The following NYAP2 variants were observed in gnomAD, a reference collection of about 807,000 sequenced individuals.
The protein encoded by NYAP2 is neuronal tyrosine-phosphorylated phosphoinositide-3-kinase adaptor 2.
NYAP2 carries 23 observed loss-of-function variants against 50.4 expected under a neutral mutation model. That is an observed-to-expected ratio of 0.46 (90% confidence interval 0.33 to 0.65). The LOEUF (loss-of-function observed/expected upper bound fraction) is 0.65, where lower values mean the gene tolerates loss of function less well. NYAP2 is among the 30% of genes least tolerant of loss of function. The pLI is 0.02. For synonymous variants in NYAP2, 394 were observed against 365.2 expected, an observed-to-expected ratio of 1.08 and a Z score of -0.90; for missense variants, 885 against 861.0, an observed-to-expected ratio of 1.03 and a Z score of -0.35.
At chr2:225,615,937 T>G (rs914062270) in intron 5 of NYAP2, among the ~76,000 whole-genome samples, 6 of 152,210 alleles carry the variant, frequency 3.9e-5, no homozygotes, top group Non-Finnish European at 7.3e-5. Flanking sequence ...CTCTCTTGTG[T>G]AAACTCTGTT....
intron 4 of NYAP2, among the ~76,000 whole-genome samples, chr2:225,533,776 G>T (rs1012372811): frequency 6.6e-6 from 1 of 151,974 alleles, no homozygotes; most frequent in Non-Finnish European, 1.5e-5. Flanking sequence ...AAATTAAATA[G>T]TAGCCAGATA....
At chr2:225,440,854 G>A (rs1689458431) in intron 3 of NYAP2, among the ~76,000 whole-genome samples, 1 of 152,144 alleles carries the variant, frequency 6.6e-6, no homozygotes, top group African/African-American at 2.4e-5. Context: ...CAGATTGGAT[G>A]AATTGCCCTG....
chr2:225,511,357 CACACACACACACACACAG>C (rs1008517279), intron 3 of NYAP2, among the ~76,000 whole-genome samples: 12 of 141,902 alleles, frequency 8.5e-5, no homozygotes, highest in African/African-American at 3.0e-4. Flanking sequence ...CACACACACA[CACACACACACACACACAG>C]AGAGAGAGAG....
chr2:225,628,137 T>C (rs1176594941), intron 6 of NYAP2, among the ~76,000 whole-genome samples: 2 of 152,176 alleles, frequency 1.3e-5, no homozygotes, highest in Non-Finnish European at 2.9e-5. Context: ...CTTGAAGCTT[T>C]GGTGGTAGAG....
chr2:225,579,035 C>A (rs553399613), intron 4 of NYAP2, among the ~76,000 whole-genome samples: 1 of 151,930 alleles, frequency 6.6e-6, no homozygotes, highest in African/African-American at 2.4e-5. Flanking sequence ...TGCACGTGCA[C>A]GCACACACAC....
At chr2:225,465,949 A>T (rs1397316262) in intron 3 of NYAP2, among the ~76,000 whole-genome samples, 1 of 152,134 alleles carries the variant, frequency 6.6e-6, no homozygotes, top group Non-Finnish European at 1.5e-5. Flanking sequence ...CTTCTGCACA[A>T]AATCCACACT....
Position 225,479,183 on chromosome 2 carries a change from C to T in NYAP2, c.222-34188C>T, listed in dbSNP as rs79132721. Among the ~76,000 whole-genome samples, 561 of 152,242 alleles carry T rather than the reference C, an allele frequency of 3.7e-3. 5 individuals are homozygous for T. The highest frequency in any genetic ancestry group is 0.012 in the African/African-American group (481 of 41,544). The stretch of plus-strand genomic sequence containing the variant: ...ATATTTGAAGAAAGAGTAAGAATTA[C>T]AGCAACATAAGCTTCTCTCTACTCT... On this transcript the variant is annotated intron_variant, in intron 3 of 6. Coordinates refer to ENST00000636099, the Ensembl canonical transcript of NYAP2.
chr2:225,425,150 G>A (rs1178278982), intron 3 of NYAP2, among the ~76,000 whole-genome samples: 1 of 152,160 alleles, frequency 6.6e-6, no homozygotes, highest in Non-Finnish European at 1.5e-5. Flanking sequence ...GACTGGCCAT[G>A]TAATCTCCCA....
chr2:225,497,348 A>G (rs983847684), intron 3 of NYAP2, among the ~76,000 whole-genome samples: 2 of 152,188 alleles, frequency 1.3e-5, no homozygotes, highest in African/African-American at 4.8e-5. Flanking sequence ...GCATCCACGC[A>G]TAAGTATTTG....
At position 225,582,860 on chromosome 2, in the gene NYAP2, G is replaced by T; in HGVS notation, c.1443G>T (p.Ser481=). ...CTCACTCGACCCCCAGACCCGTGTCGCAAGATGGGGCCAAGATGGTCAACG... is the reference window on the plus strand; with the variant it reads ...CTCACTCGACCCCCAGACCCGTGTCTCAAGATGGGGCCAAGATGGTCAACG... The change falls in exon 5 of 7, where the codon TCG becomes TCT. Residue 481 remains serine (S), a synonymous_variant. Transcript: ENST00000636099. This position sits in a 1 kb window ranked among gnomAD's most constrained non-coding sequence, Gnocchi z 7.0. 2 of 1,613,748 alleles carry T rather than the reference G, an allele frequency of 1.2e-6. No individual in the cohort carries two copies. Among genetic ancestry groups the T allele is most frequent in the Non-Finnish European group, 8.5e-7 (1 of 1,179,880 alleles).
chr2:225,603,365 G>A (rs897246604), intron 5 of NYAP2, among the ~76,000 whole-genome samples: 1 of 152,136 alleles, frequency 6.6e-6, no homozygotes, highest in South Asian at 2.1e-4. Context: ...ATTAATAATG[G>A]AGTATTTTCT....
the NYAP2 span, among the ~76,000 whole-genome samples, chr2:225,687,810 GAC>G: frequency 1.3e-5 from 2 of 152,122 alleles, no homozygotes; most frequent in African/African-American, 2.4e-5. Context: ...AGTACGTATG[GAC>G]AGAGAACGGG....
chr2:225,454,311 G>T (rs1689701464), intron 3 of NYAP2, among the ~76,000 whole-genome samples: 1 of 152,036 alleles, frequency 6.6e-6, no homozygotes, highest in Non-Finnish European at 1.5e-5. Flanking sequence ...AGCCTGGGTG[G>T]CAGAGTAAGA....
chr2:225,564,842 G>A (rs1434766500), intron 4 of NYAP2, among the ~76,000 whole-genome samples: 1 of 151,970 alleles, frequency 6.6e-6, no homozygotes, highest in Non-Finnish European at 1.5e-5. Flanking sequence ...AAACCTAAGG[G>A]ATATATCTAT....
the NYAP2 span, among the ~76,000 whole-genome samples, chr2:225,696,677 G>A: frequency 6.6e-6 from 1 of 151,940 alleles, no homozygotes; most frequent in Admixed American, 6.6e-5. Flanking sequence ...ATAGGGTGTT[G>A]TACTAAAATC....
At chr2:225,560,115 A>G (rs898517828) in intron 4 of NYAP2, among the ~76,000 whole-genome samples, 1 of 152,078 alleles carries the variant, frequency 6.6e-6, no homozygotes, top group African/African-American at 2.4e-5. Flanking sequence ...TTTCCAAGTC[A>G]TAGACAAATT....
intron 3 of NYAP2, among the ~76,000 whole-genome samples, chr2:225,493,111 A>G (rs1690437624): frequency 1.3e-5 from 2 of 151,798 alleles, no homozygotes; most frequent in African/African-American, 4.8e-5. Flanking sequence ...CAGCCCCAAC[A>G]AATAGCTGGG....
chr2:225,589,328 GTTT>G (rs11319773), intron 5 of NYAP2, among the ~76,000 whole-genome samples: 1 of 143,946 alleles, frequency 6.9e-6, no homozygotes, highest in Non-Finnish European at 1.5e-5. Flanking sequence ...ATAAATGTTA[GTTT>G]TTTTTTTTTT....
intron 5 of NYAP2, among the ~76,000 whole-genome samples, chr2:225,591,128 G>C (rs1316171861): frequency 6.6e-6 from 1 of 152,194 alleles, no homozygotes; most frequent in Non-Finnish European, 1.5e-5. Context: ...GGGCCCTCCA[G>C]ATGGAGCTGT....
Sources: allele counts gnomAD v4.1 joint callset (sites outside exome capture counted in the v4.1 genomes callset), GRCh38; gene constraint gnomAD v4.1.1; non-coding constraint Gnocchi (gnomAD v3.1); transcripts MANE v1.5; gene names NCBI Gene and HGNC (gene_info 2026-07-23, HGNC 2026-07-21).